The following SEC24B variants were observed in gnomAD, a reference collection of about 807,000 sequenced individuals.
The protein encoded by SEC24B is protein transport protein Sec24B.
Under a neutral mutation model 142.8 loss-of-function variants are expected in SEC24B, and 45 were observed. That is an observed-to-expected ratio of 0.32 (90% CI 0.25 to 0.40). The LOEUF (loss-of-function observed/expected upper bound fraction) is 0.40, where lower values mean the gene tolerates loss of function less well. Ranked by LOEUF, SEC24B falls within the 10% of genes least tolerant of loss-of-function variation. The pLI is 1.00. For synonymous variants in SEC24B, 574 were observed against 568.2 expected (o/e 1.01, Z -0.15); for missense variants, 1,409 against 1,526.8 (o/e 0.92, Z 1.29).
chr4:109,458,801 A>ATTAAGATGAT (rs1201920940), intron 1 of SEC24B, among the ~76,000 whole-genome samples: 1 of 151,874 alleles, frequency 6.6e-6, no homozygotes, highest in Non-Finnish European at 1.5e-5. Context: ...TCTCGGGAAG[A>ATTAAGATGAT]TTAAGATGAT....
chr4:109,519,338 A>T (rs1051087443), intron 11 of SEC24B, among the ~76,000 whole-genome samples: 1 of 152,234 alleles, frequency 6.6e-6, no homozygotes, highest in African/African-American at 2.4e-5. Context: ...AAAGTGTAAA[A>T]CTGGGAATGG....
chr4:109,502,525 T>C (rs928295316), intron 6 of SEC24B, among the ~76,000 whole-genome samples: 1 of 152,288 alleles, frequency 6.6e-6, no homozygotes, highest in Non-Finnish European at 1.5e-5. Context: ...GAGATAACTT[T>C]TTATATGCCA....
chr4:109,517,947 GTTTA>G (rs72178897), intron 11 of SEC24B, among the ~76,000 whole-genome samples: 64,664 of 133,082 alleles, frequency 0.49, 15,014 homozygotes, highest in East Asian at 0.6. Flanking sequence ...TTGTTTGTTT[GTTTA>G]TTTATTTATT....
chr4:109,435,951 TGCAGG>T (rs1728374409), intron 1 of SEC24B, among the ~76,000 whole-genome samples: 1 of 152,130 alleles, frequency 6.6e-6, no homozygotes, highest in Non-Finnish European at 1.5e-5. Context: ...AATATGAAAG[TGCAGG>T]GCATGCTTGG....
intron 4 of SEC24B, among the ~76,000 whole-genome samples, chr4:109,483,038 A>ATG (rs1312070852): frequency 8.2e-5 from 9 of 110,144 alleles, no homozygotes; most frequent in African/African-American, 6.9e-4. Flanking sequence ...ATGTATTTAT[A>ATG]TATATGTATT....
In SEC24B at chr4:109,502,426, C is replaced by A. The variant is rs1736243747; in HGVS notation, c.1489-3902C>A. On this transcript the variant is annotated intron_variant, in intron 6 of 23. Transcript: ENST00000265175. ...AAAAGACAAAATGGAAACAGAGAGACAAATTGAAGTTCTGCCCTAATTCGG... is the reference window on the plus strand; with the variant it reads ...AAAAGACAAAATGGAAACAGAGAGAAAAATTGAAGTTCTGCCCTAATTCGG... Among the ~76,000 whole-genome samples the A allele has an allele frequency of 2.0e-5, 3 of 152,156 alleles. No homozygotes were observed. In the South Asian group the frequency reaches 6.2e-4, roughly 31 times the overall value.
intron 14 of SEC24B, among the ~76,000 whole-genome samples, chr4:109,522,058 T>G (rs1723681138): frequency 1.1e-5 from 1 of 94,650 alleles, no homozygotes; most frequent in Admixed American, 9.3e-5. Context: ...TTTGTTTTTG[T>G]TTTTTTTTTT....
At chr4:109,528,690 C>A (rs1276079646) in intron 18 of SEC24B, among the ~76,000 whole-genome samples, 2 of 152,148 alleles carry the variant, frequency 1.3e-5, no homozygotes, top group Non-Finnish European at 2.9e-5. Context: ...TAAAAAAATC[C>A]TTTTGAGAAT....
chr4:109,474,833 CTT>C (rs1207830646), intron 3 of SEC24B, among the ~76,000 whole-genome samples: 5 of 152,156 alleles, frequency 3.3e-5, no homozygotes, highest in African/African-American at 1.2e-4. Flanking sequence ...AATTATGTTT[CTT>C]CTTTTTTCTA....
chr4:109,450,361 C>A (rs747043996), intron 1 of SEC24B, among the ~76,000 whole-genome samples: 1 of 152,072 alleles, frequency 6.6e-6, no homozygotes. Context: ...TCTCTTTCTT[C>A]TCAAAATTTC....
At chr4:109,534,343 TAAG>T (rs1243706457) in intron 22 of SEC24B, among the ~76,000 whole-genome samples, 1 of 151,950 alleles carries the variant, frequency 6.6e-6, no homozygotes, top group East Asian at 1.9e-4. Context: ...TCCAAGCACT[TAAG>T]GAGGCAGAGG....
At chr4:109,456,334 G>GTTTTTTTT (rs70949081) in intron 1 of SEC24B, among the ~76,000 whole-genome samples, 6 of 94,106 alleles carry the variant, frequency 6.4e-5, no homozygotes, top group Non-Finnish European at 1.1e-4. Context: ...GGTTTTTTTT[G>GTTTTTTTT]TTTTTTTTTT....
chr4:109,466,872 A>C (rs1465327576), intron 2 of SEC24B, among the ~76,000 whole-genome samples: 1 of 152,256 alleles, frequency 6.6e-6, no homozygotes, highest in East Asian at 1.9e-4. Context: ...AATATCAAAA[A>C]TATGACAGAT....
intron 4 of SEC24B, among the ~76,000 whole-genome samples, chr4:109,483,044 G>GTATTTATATATATATGTATT (rs756610936): frequency 9.7e-5 from 10 of 102,854 alleles, no homozygotes; most frequent in African/African-American, 1.5e-4. Flanking sequence ...TTATATATAT[G>GTATTTATATATATATGTATT]TATTTATGTA....
chr4:109,448,888 T>G (rs1729754118), intron 1 of SEC24B, among the ~76,000 whole-genome samples: 1 of 152,220 alleles, frequency 6.6e-6, no homozygotes, highest in African/African-American at 2.4e-5. Flanking sequence ...TGCATTTAGT[T>G]GTCATGTCTC....
Position 109,506,393 on chromosome 4 carries a change from A to G in SEC24B, c.1554A>G (p.Gln518=), listed in dbSNP as rs1361721108. 1.9e-6 allele frequency: 3 copies of G among 1,610,914 alleles called. No individual in the cohort carries two copies. Among genetic ancestry groups the G allele is most frequent in the African/African-American group, 2.7e-5 (2 of 74,798 alleles). ...IGGLSLQSSP[Q]PESLRPVNLT... The stretch of plus-strand genomic sequence containing the variant: ...GATTGAGTCTTCAGAGTTCTCCACA[A>G]CCAGAAAGCCTGAGACCTGTAAACC... The change falls in exon 7 of 24, where the codon CAA becomes CAG. Residue 518 remains glutamine, a synonymous_variant. Transcript: ENST00000265175.
intron 14 of SEC24B, among the ~76,000 whole-genome samples, chr4:109,523,586 T>C (rs976535816): frequency 5.9e-5 from 9 of 152,216 alleles, no homozygotes; most frequent in Admixed American, 3.3e-4. Flanking sequence ...TTTCAAATAA[T>C]AAATGAACAA....
chr4:109,495,446 T>C (rs1431298368), intron 6 of SEC24B, among the ~76,000 whole-genome samples: 1 of 152,140 alleles, frequency 6.6e-6, no homozygotes, highest in East Asian at 1.9e-4. Context: ...ACGTGGAGTT[T>C]ATGGGTGGAA....
At chr4:109,510,500 A>G (rs1223799149) in intron 8 of SEC24B, among the ~76,000 whole-genome samples, 1 of 152,162 alleles carries the variant, frequency 6.6e-6, no homozygotes, top group African/African-American at 2.4e-5. Context: ...TAAGTGTTGA[A>G]GTCTGTCCTG....
Sources: allele counts gnomAD v4.1 joint callset (sites outside exome capture counted in the v4.1 genomes callset), GRCh38; gene constraint gnomAD v4.1.1; transcripts MANE v1.5; gene names NCBI Gene and HGNC (gene_info 2026-07-23, HGNC 2026-07-21).